Variants in CD6 observed in about 807,000 individuals in gnomAD.
CD6 encodes the protein CD6 molecule.
Under a neutral mutation model 75.3 loss-of-function variants are expected in CD6, and 53 were observed. The observed-to-expected ratio is 0.70, with a 90% CI of 0.56 to 0.88. The LOEUF is 0.88. Among genes scored for constraint, CD6 ranks in the 40% least tolerant of loss-of-function variants. CD6 has a pLI of 0.00. For missense variants in CD6, 770 were observed against 897.1 expected (o/e 0.86, Z 1.81); for synonymous variants, 359 against 381.5 (o/e 0.94, Z 0.69).
intron 1 of CD6, among the ~76,000 whole-genome samples, chr11:61,003,864 A>T (rs1858715462): frequency 6.6e-6 from 1 of 152,238 alleles, no homozygotes; most frequent in Admixed American, 6.5e-5. Flanking sequence ...GAAGTCAGAG[A>T]ACAGAGAAGC....
Position 61,019,455 on chromosome 11 carries a change from A to G in CD6, c.*137A>G. The G allele has an allele frequency of 1.6e-6, 1 of 629,884 alleles. No individual in the cohort carries two copies. Among genetic ancestry groups the G allele is most frequent in the South Asian group, 2.3e-5 (1 of 44,344 alleles). 39.0% of individuals were successfully genotyped at this position (629,884 alleles called of 1,614,324 possible). On this transcript the variant is annotated 3_prime_UTR_variant, in exon 13 of 13. Transcript: ENST00000313421. ...GCCTCCCTTGGAGAGATGGAAGGAA[A>G]CGTTATACCTTGTACCCCTCGGTCT... is the stretch of plus-strand genomic sequence containing the variant.
intron 6 of CD6, among the ~76,000 whole-genome samples, chr11:61,012,577 GT>G: frequency 6.6e-6 from 1 of 152,326 alleles, no homozygotes; most frequent in African/African-American, 2.4e-5. Flanking sequence ...CAGCAAAGAG[GT>G]CTGGATGATC....
chr11:60,992,938 A>G (rs541949951), intron 1 of CD6, among the ~76,000 whole-genome samples: 2 of 152,344 alleles, frequency 1.3e-5, no homozygotes, highest in African/African-American at 4.8e-5. Context: ...CGGGGGATCA[A>G]GAAGATGGGG....
Position 61,007,732 on chromosome 11 carries a change from C to A in CD6, c.291C>A (p.Leu97=). 2.8e-6 allele frequency: 4 copies of A among 1,406,476 alleles called. No homozygotes were observed. The highest frequency in any genetic ancestry group is 3.7e-6 in the Non-Finnish European group (4 of 1,079,808). The allele number at this position is 1,406,476 out of a possible 1,614,324, so 87.1% of individuals were successfully genotyped here. Residue 97 remains leucine, a synonymous_variant, in exon 3 of 13, where the codon CTC becomes CTA. Coordinates refer to ENST00000313421, the MANE Select transcript of CD6 (RefSeq NM_006725.5). The surrounding 1 kb of genome is among the most constrained non-coding windows in gnomAD (Gnocchi z 4.2). Reference sequence around the variant, plus strand: ...GCGGGGCGGAGGCCGCCTCTCAGCTCGCCCCGCCGACCCCTGAGCTGCCGC... The same window carrying A: ...GCGGGGCGGAGGCCGCCTCTCAGCTAGCCCCGCCGACCCCTGAGCTGCCGC... The part of the protein sequence containing the change: ...GCGGAEAASQ[L]APPTPELPPP...
At chr11:61,008,018 A>G in intron 3 of CD6, 108 bp downstream of exon 3, 1 of 659,118 alleles carries the variant, frequency 1.5e-6, no homozygotes, top group Non-Finnish European at 2.2e-6. Context: ...CCAGACCTCC[A>G]CCCCCACCGC....
At chr11:60,977,338 C>T (rs974540696) in intron 1 of CD6, among the ~76,000 whole-genome samples, 1 of 150,824 alleles carries the variant, frequency 6.6e-6, no homozygotes, top group African/African-American at 2.4e-5. Context: ...CATCCTCTCC[C>T]TGCCTGGACC....
In CD6 at chr11:61,008,754, C is replaced by T; in HGVS notation, c.690C>T (p.Cys230=). 1 of 1,605,424 alleles carries T rather than the reference C, an allele frequency of 6.2e-7. No individual in the cohort carries two copies. The highest frequency in any genetic ancestry group is 8.5e-7 in the Non-Finnish European group (1 of 1,174,818). ...CTATCCACCGGGACCAGGTGAACTG[C>T]TCGGGGGCCGAAGCTTACCTGTGGG... is the stretch of plus-strand genomic sequence containing the variant. The part of the protein sequence containing the change: ...RGPIHRDQVN[C]SGAEAYLWDC... Residue 230 remains cysteine, a synonymous_variant, in exon 4 of 13, where the codon TGC becomes TGT. Transcript: ENST00000313421.
intron 1 of CD6, among the ~76,000 whole-genome samples, chr11:61,002,022 A>T (rs1487642976): frequency 6.6e-6 from 1 of 152,154 alleles, no homozygotes; most frequent in Non-Finnish European, 1.5e-5. Context: ...CAATCATACC[A>T]GTTCACAGAG....
chr11:60,971,987 G>A, intron 1 of CD6, 73 bp downstream of exon 1: 3 of 1,487,038 alleles, frequency 2.0e-6, no homozygotes, highest in Non-Finnish European at 2.8e-6. Flanking sequence ...TCCCCTTTCT[G>A]GTTGTTTCCT....
In CD6 at chr11:61,006,731, T is replaced by C. The variant is rs895351002; in HGVS notation, c.118+89T>C. 3.0e-5 allele frequency: 32 copies of C among 1,084,514 alleles called. 1 individual carries two copies. Among genetic ancestry groups the C allele is most frequent in the Middle Eastern group, 2.0e-4 (1 of 5,110 alleles). 67.2% of individuals were successfully genotyped at this position (1,084,514 alleles called of 1,614,324 possible). A position where few individuals can be genotyped will look rare whatever the true frequency, so the allele number is the denominator to read the frequency against. On this transcript the variant is annotated intron_variant, in intron 2 of 12. Transcript: ENST00000313421. ...AAAGAAGGGAAATGGACATTTAGGA[T>C]ACCAGGGAGGCTCCCTGACTTCAGA...
Position 61,007,771 on chromosome 11 carries a change from C to T in CD6, c.330C>T (p.Ala110=), listed in dbSNP as rs772074450. The T allele has an allele frequency of 1.6e-5, 24 of 1,467,698 alleles. No homozygotes were observed. In the East Asian group the frequency reaches 3.9e-4, roughly 24 times the overall value. The allele number at this position is 1,467,698 out of a possible 1,614,324, so 90.9% of individuals were successfully genotyped here. A position where few individuals can be genotyped will look rare whatever the true frequency, so the allele number is the denominator to read the frequency against. Residue 110 remains alanine (A), a synonymous_variant, in exon 3 of 13, where the codon GCC becomes GCT. Coordinates refer to ENST00000313421, the MANE Select transcript of CD6 (RefSeq NM_006725.5). This position sits in a 1 kb window ranked among gnomAD's most constrained non-coding sequence, Gnocchi z 4.2. ...CTGAGCTGCCGCCCCCGCCTGCAGC[C>T]GGGAACACCAGCGTAGCAGCTAATG... The part of the protein sequence containing the change: ...PTPELPPPPA[A]GNTSVAANAT...
intron 6 of CD6, among the ~76,000 whole-genome samples, chr11:61,013,017 T>TTATTGATCTCTCCGCTAGACAA (rs1276571843): frequency 6.6e-6 from 1 of 152,214 alleles, no homozygotes; most frequent in Non-Finnish European, 1.5e-5. Flanking sequence ...ACTGGGTTAC[T>TTATTGATCTCTCCGCTAGACAA]TATTGATCTC....
intron 1 of CD6, among the ~76,000 whole-genome samples, chr11:61,005,085 TC>T (rs1446135954): frequency 6.6e-6 from 1 of 152,178 alleles, no homozygotes; most frequent in East Asian, 1.9e-4. Context: ...ACAGTTTAAA[TC>T]CGGGCTCTGC....
At chr11:61,002,848 T>C (rs1590704697) in intron 1 of CD6, among the ~76,000 whole-genome samples, 1 of 152,132 alleles carries the variant, frequency 6.6e-6, no homozygotes, top group Admixed American at 6.5e-5. Context: ...CGAGGGACGG[T>C]GGAACTCTCA....
intron 1 of CD6, among the ~76,000 whole-genome samples, chr11:61,000,980 G>C (rs576456937): frequency 6.6e-6 from 1 of 151,944 alleles, no homozygotes; most frequent in Non-Finnish European, 1.5e-5. Context: ...GAAACCAGCC[G>C]CTCCCCTCCA....
intron 1 of CD6, among the ~76,000 whole-genome samples, chr11:60,993,649 A>G (rs1181152097): frequency 6.6e-6 from 1 of 152,164 alleles, no homozygotes; most frequent in African/African-American, 2.4e-5. Flanking sequence ...AGATGGGTTT[A>G]GATCACTGTT....
At chr11:60,972,743 C>G (rs1160495452) in intron 1 of CD6, among the ~76,000 whole-genome samples, 1 of 152,108 alleles carries the variant, frequency 6.6e-6, no homozygotes, top group Non-Finnish European at 1.5e-5. Context: ...AGCCAGAGAG[C>G]CAAGTGCTTT....
chr11:60,999,155 G>T lies in CD6; in HGVS notation c.50-7419G>T, dbSNP rs1036559407. Among the ~76,000 whole-genome samples the T allele has an allele frequency of 6.6e-5, 10 of 151,920 alleles. 1 individual carries two copies. In the East Asian group the frequency reaches 1.7e-3, roughly 26 times the overall value. The stretch of plus-strand genomic sequence containing the variant: ...CCTGGGTGACAGAGCAAGATAGAAA[G>T]GAAAGAAAGAAAGAGCAAGAAGGAA... On this transcript the variant is annotated intron_variant, in intron 1 of 12. Transcript: ENST00000313421.
chr11:61,018,037 C>G, intron 11 of CD6, 24 bp downstream of exon 11: 1 of 1,606,552 alleles, frequency 6.2e-7, no homozygotes, highest in South Asian at 1.1e-5. Context: ...CCCCCAAACC[C>G]CCATCCCATA....
Sources: gnomAD v4.1 joint callset for allele counts (sites outside exome capture counted in the v4.1 genomes callset) on GRCh38, gnomAD v4.1.1 for gene constraint, Gnocchi (gnomAD v3.1) non-coding constraint, MANE v1.5 for transcripts, NCBI Gene and HGNC (gene_info 2026-07-23, HGNC 2026-07-21) for gene names.